The following PRKCH variants were observed in gnomAD, a reference collection of about 807,000 sequenced individuals.
PRKCH encodes the protein protein kinase C eta type.
A neutral mutation model predicts 82.5 loss-of-function variants in PRKCH; 28 were observed. That is an observed-to-expected ratio of 0.34 (90% CI 0.25 to 0.47). The LOEUF (loss-of-function observed/expected upper bound fraction) is 0.47. Among genes scored for constraint, PRKCH ranks in the 20% least tolerant of loss-of-function variants. The pLI is 1.00. For synonymous variants in PRKCH, 322 were observed against 327.4 expected (o/e 0.98, Z 0.18); for missense variants, 705 against 881.8 (o/e 0.80, Z 2.54).
intron 1 of PRKCH, among the ~76,000 whole-genome samples, chr14:61,359,157 T>C (rs775647294): frequency 1.6e-4 from 24 of 152,210 alleles, no homozygotes; most frequent in Non-Finnish European, 2.6e-4. Flanking sequence ...GTTTGTTCAT[T>C]GAATAACTGA....
At chr14:61,287,306 G>T (rs1182808954) in intron 1 of PRKCH, among the ~76,000 whole-genome samples, 1 of 150,346 alleles carries the variant, frequency 6.7e-6, no homozygotes, top group African/African-American at 2.4e-5. Context: ...TGTGCTTGGT[G>T]AGTTGGCAGG....
chr14:61,512,299 A>C (rs949124156), intron 10 of PRKCH, among the ~76,000 whole-genome samples: 1 of 150,040 alleles, frequency 6.7e-6, no homozygotes. Context: ...GCAGAGAGAG[A>C]AAGAGAATTT....
intron 1 of PRKCH, among the ~76,000 whole-genome samples, chr14:61,267,465 A>G (rs141778030): frequency 6.2e-4 from 94 of 152,308 alleles, no homozygotes; most frequent in Admixed American, 1.2e-3. Context: ...AACTACATGT[A>G]GGCTTTGATC....
intron 2 of PRKCH, among the ~76,000 whole-genome samples, chr14:61,424,987 G>A (rs759015775): frequency 3.3e-5 from 5 of 152,242 alleles, no homozygotes; most frequent in Non-Finnish European, 5.9e-5. Context: ...CTTCCATGTG[G>A]TGTTGGGCCT....
chr14:61,324,491 G>T (rs2045670016), intron 1 of PRKCH, among the ~76,000 whole-genome samples: 2 of 152,204 alleles, frequency 1.3e-5, no homozygotes, highest in Admixed American at 6.5e-5. Context: ...GGGTATTTCA[G>T]AACTGTAAGG....
chr14:61,194,467 T>A (rs1377697953), intron 1 of PRKCH, among the ~76,000 whole-genome samples: 2 of 152,192 alleles, frequency 1.3e-5, no homozygotes, highest in Non-Finnish European at 2.9e-5. Context: ...TTCTACCATG[T>A]GAAGACACAG....
intron 1 of PRKCH, among the ~76,000 whole-genome samples, chr14:61,342,368 G>A (rs934227748): frequency 1.3e-5 from 2 of 152,310 alleles, no homozygotes; most frequent in Non-Finnish European, 2.9e-5. Context: ...GCCTTGGATT[G>A]TGAGTTAGTC....
chr14:61,417,303 C>T (rs953118533), intron 2 of PRKCH, among the ~76,000 whole-genome samples: 4 of 152,126 alleles, frequency 2.6e-5, no homozygotes, highest in East Asian at 1.9e-4. Context: ...CTCTTTTTGG[C>T]GGTCTTTTTT....
chr14:61,266,510 C>T (rs997941954), intron 1 of PRKCH, among the ~76,000 whole-genome samples: 1 of 152,062 alleles, frequency 6.6e-6, no homozygotes, highest in Non-Finnish European at 1.5e-5. Flanking sequence ...ATAATAAGAC[C>T]ATTTTTAAAA....
At chr14:61,389,847 T>G (rs1032711827) in intron 1 of PRKCH, among the ~76,000 whole-genome samples, 6 of 147,044 alleles carry the variant, frequency 4.1e-5, no homozygotes, top group Non-Finnish European at 8.8e-5. Context: ...CCTGGTCTAG[T>G]AGGGGGGCTC....
rs1336371146 is a variant in PRKCH at position 61,280,636 on chromosome 14, T to G, written c.-19+92968T>G. 1 of 1,574,616 alleles carries G rather than the reference T, an allele frequency of 6.4e-7. No individual in the cohort carries two copies. The highest frequency in any genetic ancestry group is 8.6e-7 in the Non-Finnish European group (1 of 1,160,646). ...CTGGTGCCAAAGCGAGAAGGAGTCGTTGAAGAGGCTGTTGGCGATGGCGCC... is the reference window on the plus strand; with the variant it reads ...CTGGTGCCAAAGCGAGAAGGAGTCGGTGAAGAGGCTGTTGGCGATGGCGCC... On this transcript the variant is annotated intron_variant, in intron 1 of 3. Transcript: ENST00000555185. The surrounding 1 kb of genome is among the most constrained non-coding windows in gnomAD (Gnocchi z 5.0).
chr14:61,217,287 G>A (rs1370495668), intron 1 of PRKCH, among the ~76,000 whole-genome samples: 7 of 152,080 alleles, frequency 4.6e-5, no homozygotes, highest in Admixed American at 2.6e-4. Flanking sequence ...CAGCTACAGG[G>A]GAGGCTAAGG....
chr14:61,334,163 A>G (rs1218793602), intron 1 of PRKCH, among the ~76,000 whole-genome samples: 1 of 152,190 alleles, frequency 6.6e-6, no homozygotes, highest in Non-Finnish European at 1.5e-5. Context: ...TGGAGGCAGC[A>G]GGGTAGCCAT....
rs765269996 is a variant in PRKCH at position 61,549,751 on chromosome 14, A to G, written c.1972A>G (p.Ile658Val). ...AAAGGAAGAGCCAGTTTTAACTCCA[A>G]TTGATGAGGGACATCTTCCAATGAT... ...FIKEEPVLTP[I>V]DEGHLPMINQ... Residue 658 changes from isoleucine (I) to valine (V), a missense_variant, in exon 14 of 14, where the codon ATT becomes GTT. Physicochemically the swap from Ile to Val is conservative, Grantham distance 29. This residue lies in a region of PRKCH where 91 missense variants were observed against 81.2 expected (regional missense o/e 1.12). Coordinates refer to ENST00000332981, the MANE Select transcript of PRKCH (RefSeq NM_006255.5). 30 of 1,613,996 alleles carry G rather than the reference A, an allele frequency of 1.9e-5. No homozygotes were observed. Among genetic ancestry groups the G allele is most frequent in the Non-Finnish European group, 2.3e-5 (27 of 1,179,972 alleles).
intron 10 of PRKCH, among the ~76,000 whole-genome samples, chr14:61,499,622 T>C (rs1322122034): frequency 2.0e-5 from 3 of 152,170 alleles, no homozygotes; most frequent in Non-Finnish European, 4.4e-5. Flanking sequence ...CAAAATTTAC[T>C]GTGTTCCGCT....
At chr14:61,297,689 T>G (rs2045416091) in intron 1 of PRKCH, among the ~76,000 whole-genome samples, 1 of 152,184 alleles carries the variant, frequency 6.6e-6, no homozygotes, top group African/African-American at 2.4e-5. Context: ...GAGAATGTAG[T>G]GCTGCCACTG....
rs367859824 is a variant in PRKCH, at chr14:61,386,657, C to T, written c.364-4568C>T. On this transcript the variant is annotated intron_variant, in intron 1 of 13. Coordinates refer to ENST00000332981, the MANE Select transcript of PRKCH (RefSeq NM_006255.5). ...AAGAGGAAGATGTCAAGATCAGATG[C>T]GGCAGAGAGATCAACTGAGATGAAG... Among the ~76,000 whole-genome samples the T allele has an allele frequency of 2.2e-4, 34 of 152,164 alleles. 2 individuals are homozygous for T. The highest frequency in any genetic ancestry group is 1.5e-3 in the Admixed American group (23 of 15,282).
upstream of PRKCH, among the ~76,000 whole-genome samples, chr14:61,320,358 G>A (rs2045599165): frequency 6.6e-6 from 1 of 152,140 alleles, no homozygotes; most frequent in Non-Finnish European, 1.5e-5. Context: ...TCAGCACTTT[G>A]GGAGGCCGAG....
intron 2 of PRKCH, among the ~76,000 whole-genome samples, chr14:61,418,780 G>A (rs1321183121): frequency 6.6e-6 from 1 of 152,116 alleles, no homozygotes; most frequent in Non-Finnish European, 1.5e-5. Context: ...CTGAAGCCTG[G>A]GCCATTTTCC....
Sources: allele counts gnomAD v4.1 joint callset (sites outside exome capture counted in the v4.1 genomes callset), GRCh38; gene constraint gnomAD v4.1.1; regional missense constraint gnomAD v4.1.1; non-coding constraint Gnocchi (gnomAD v3.1); transcripts MANE v1.5; gene names NCBI Gene and HGNC (gene_info 2026-07-23, HGNC 2026-07-21).